Variants in RNF13 observed in about 807,000 individuals in gnomAD.
The protein encoded by RNF13 is ring finger protein 13.
A neutral mutation model predicts 37.7 loss-of-function variants in RNF13; 19 were observed. The observed-to-expected ratio is 0.50, with a 90% CI of 0.35 to 0.74. The LOEUF is 0.74. Ranked by LOEUF, RNF13 falls within the 30% of genes least tolerant of loss-of-function variation. The probability of loss-of-function intolerance (pLI) is 0.01; values close to 1 mark genes in which losing one functional copy is unlikely to be tolerated. For missense variants in RNF13, 375 were observed against 453.0 expected (o/e 0.83, Z 1.56); for synonymous variants, 144 against 157.8 (o/e 0.91, Z 0.65).
chr3:149,861,283 G>A (rs1382681990), intron 3 of RNF13, among the ~76,000 whole-genome samples: 1 of 152,042 alleles, frequency 6.6e-6, no homozygotes, highest in Non-Finnish European at 1.5e-5. Context: ...CCACCACTGG[G>A]TATTTATCCA....
At chr3:149,947,456 G>T (rs921380040) in intron 8 of RNF13, among the ~76,000 whole-genome samples, 12 of 151,472 alleles carry the variant, frequency 7.9e-5, no homozygotes, top group African/African-American at 2.9e-4. Context: ...CCAAGCTTGA[G>T]CGAAGTGGTG....
chr3:149,830,591 G>A (rs1456936984), intron 1 of RNF13, among the ~76,000 whole-genome samples: 5 of 120,716 alleles, frequency 4.1e-5, no homozygotes, highest in African/African-American at 1.3e-4. Flanking sequence ...ACAAAAATAC[G>A]GTTTGGAATT....
At chr3:149,871,203 G>T (rs961304527) in intron 3 of RNF13, among the ~76,000 whole-genome samples, 1 of 151,456 alleles carries the variant, frequency 6.6e-6, no homozygotes, top group Non-Finnish European at 1.5e-5. Flanking sequence ...CACCATGCTC[G>T]GCTAATTTTT....
intron 3 of RNF13, among the ~76,000 whole-genome samples, chr3:149,855,486 A>G (rs1441349207): frequency 6.6e-6 from 1 of 151,464 alleles, no homozygotes; most frequent in Non-Finnish European, 1.5e-5. Context: ...CCTCTTTAAA[A>G]ATACATATAT....
At chr3:149,862,829 AG>A (rs1724408108) in intron 3 of RNF13, among the ~76,000 whole-genome samples, 1 of 152,198 alleles carries the variant, frequency 6.6e-6, no homozygotes, top group Non-Finnish European at 1.5e-5. Context: ...ATGTGAAACC[AG>A]GTACTTTTAT....
At chr3:149,859,386 A>G (rs1444953885) in intron 3 of RNF13, among the ~76,000 whole-genome samples, 2 of 152,184 alleles carry the variant, frequency 1.3e-5, no homozygotes, top group African/African-American at 2.4e-5. Flanking sequence ...TCAAAAAGTA[A>G]TGGTTGCTTA....
intron 8 of RNF13, among the ~76,000 whole-genome samples, chr3:149,942,971 G>A (rs1452789160): frequency 6.6e-6 from 1 of 152,086 alleles, no homozygotes. Context: ...TCTTGTTAAT[G>A]TGGTGTATTA....
chr3:149,914,437 ATTTG>A (rs1717294671), intron 7 of RNF13, among the ~76,000 whole-genome samples: 1 of 152,094 alleles, frequency 6.6e-6, no homozygotes, highest in African/African-American at 2.4e-5. Flanking sequence ...CATTATGGTA[ATTTG>A]TTTGTTGATT....
chr3:149,881,321 A>C (rs895793894), intron 4 of RNF13, among the ~76,000 whole-genome samples: 2 of 152,058 alleles, frequency 1.3e-5, no homozygotes, highest in Non-Finnish European at 2.9e-5. Context: ...CCATTGGAAA[A>C]AATAACAAAA....
At position 149,961,759 on chromosome 3, in the gene RNF13, TAC is replaced by T. The variant is rs768810464; in HGVS notation, c.*656_*657del. On this transcript the variant is annotated 3_prime_UTR_variant, in exon 10 of 10. Transcript: ENST00000392894. The stretch of plus-strand genomic sequence containing the variant: ...GCAGCTAATGTTTCTGAACTTTACT[TAC>T]TAATTTTCAGTGTCCTTAAGGGTTC... 4.5e-5 allele frequency: 7 copies of T among 156,238 alleles called. No individual in the cohort carries two copies. Among genetic ancestry groups the T allele is most frequent in the Non-Finnish European group, 9.9e-5 (7 of 70,530 alleles). 9.7% of individuals were successfully genotyped at this position (156,238 alleles called of 1,614,324 possible).
intron 8 of RNF13, chr3:149,939,117 G>T: frequency 2.0e-6 from 1 of 512,182 alleles, no homozygotes; most frequent in Non-Finnish European, 3.8e-6. Flanking sequence ...TCCTTTTCGT[G>T]TTTTAGGAGT....
chr3:149,952,858 CAG>C (rs1721480249), intron 8 of RNF13, among the ~76,000 whole-genome samples: 1 of 152,152 alleles, frequency 6.6e-6, no homozygotes. Context: ...CTCGACCTCC[CAG>C]AGTGCTGGGA....
intron 1 of RNF13, among the ~76,000 whole-genome samples, chr3:149,840,067 C>T (rs1436502662): frequency 6.6e-6 from 1 of 152,046 alleles, no homozygotes; most frequent in African/African-American, 2.4e-5. Context: ...GAGCTAAAGG[C>T]TTGTTAGAAC....
chr3:149,940,466 G>A (rs1190054475), intron 8 of RNF13, among the ~76,000 whole-genome samples: 1 of 152,076 alleles, frequency 6.6e-6, no homozygotes, highest in Non-Finnish European at 1.5e-5. Context: ...AATCAAGTAA[G>A]AATAAGAAAA....
intron 8 of RNF13, among the ~76,000 whole-genome samples, chr3:149,936,955 C>A (rs544863155): frequency 1.3e-5 from 2 of 152,102 alleles, no homozygotes; most frequent in African/African-American, 4.8e-5. Flanking sequence ...CACAAACGTT[C>A]GGCGCACTGA....
At chr3:149,816,689 T>A (rs1359105956) in intron 1 of RNF13, among the ~76,000 whole-genome samples, 1 of 152,298 alleles carries the variant, frequency 6.6e-6, no homozygotes, top group Non-Finnish European at 1.5e-5. Context: ...CTGGTAAAGA[T>A]AGATGGATAC....
At chr3:149,889,111 G>C (rs1714372996) in intron 4 of RNF13, among the ~76,000 whole-genome samples, 1 of 151,536 alleles carries the variant, frequency 6.6e-6, no homozygotes, top group Non-Finnish European at 1.5e-5. Flanking sequence ...GCCAATTTTT[G>C]TACTTTTAGT....
intron 3 of RNF13, among the ~76,000 whole-genome samples, chr3:149,860,707 A>T (rs1559912717): frequency 6.6e-6 from 1 of 152,210 alleles, no homozygotes; most frequent in Non-Finnish European, 1.5e-5. Context: ...TGAACTAGGC[A>T]AAGATTTTAC....
chr3:149,955,530 T>G (rs1165925729), intron 8 of RNF13, among the ~76,000 whole-genome samples: 1 of 152,108 alleles, frequency 6.6e-6, no homozygotes, highest in Non-Finnish European at 1.5e-5. Flanking sequence ...TATTTCTTAT[T>G]TGCTAGAAAA....
Sources: allele counts gnomAD v4.1 joint callset (sites outside exome capture counted in the v4.1 genomes callset), GRCh38; gene constraint gnomAD v4.1.1; transcripts MANE v1.5; gene names NCBI Gene and HGNC (gene_info 2026-07-23, HGNC 2026-07-21).